Variants in GPC5 observed in about 807,000 individuals in gnomAD.
The protein encoded by GPC5 is glypican 5, also known as glypican-5.
GPC5 carries 47 observed loss-of-function variants against 53.9 expected under a neutral mutation model. The observed-to-expected ratio is 0.87, with a 90% CI of 0.69 to 1.11. The LOEUF (loss-of-function observed/expected upper bound fraction) is 1.11. GPC5 is among the 50% of genes most tolerant of loss of function. GPC5 has a pLI of 0.00. For missense variants in GPC5, 748 were observed against 713.1 expected, an observed-to-expected ratio of 1.05 and a Z score of -0.56; for synonymous variants, 286 against 263.3, an observed-to-expected ratio of 1.09 and a Z score of -0.84.
rs1207362184 is a variant in GPC5, at chr13:92,120,382, T to A, written c.1402-24448T>A. 5.3e-5 allele frequency among the ~76,000 whole-genome samples: 8 copies of A among 152,296 alleles called. No individual in the cohort carries two copies. In the East Asian group the frequency reaches 1.5e-3, roughly 29 times the overall value. On this transcript the variant is annotated intron_variant, in intron 6 of 7. Coordinates refer to ENST00000377067, the MANE Select transcript of GPC5 (RefSeq NM_004466.6). ...AAGTAATCCTCCTGCTTCAGCCTCC[T>A]GGGTAGCTGGGACTACAGGTGTGCA...
chr13:92,233,828 T>G (rs2042549581), intron 7 of GPC5, among the ~76,000 whole-genome samples: 1 of 150,956 alleles, frequency 6.6e-6, no homozygotes, highest in East Asian at 2.0e-4. Flanking sequence ...CCCACAACAG[T>G]CCCCGGTGTG....
At chr13:91,411,399 G>T (rs1877776425) in intron 1 of GPC5, among the ~76,000 whole-genome samples, 1 of 152,152 alleles carries the variant, frequency 6.6e-6, no homozygotes, top group East Asian at 1.9e-4. Flanking sequence ...CACAAGGGTG[G>T]AGTGTGCTGG....
intron 7 of GPC5, among the ~76,000 whole-genome samples, chr13:92,404,581 A>T (rs1875710473): frequency 6.6e-6 from 1 of 152,134 alleles, no homozygotes; most frequent in African/African-American, 2.4e-5. Flanking sequence ...ACAAATTAAG[A>T]CCTTGAACAA....
rs185667564 is a variant in GPC5 at position 92,113,757 on chromosome 13, C to T, written c.1402-31073C>T. ...TTTTTTTTTCACTGCTACATTTGTC[C>T]AGAGAAATAAAGGTTATTCTTGAGG... is the stretch of plus-strand genomic sequence containing the variant. On this transcript the variant is annotated intron_variant, in intron 6 of 7. Transcript: ENST00000377067. Among the ~76,000 whole-genome samples, 419 of 150,358 alleles carry T rather than the reference C, an allele frequency of 2.8e-3. 1 individual carries two copies. The highest frequency in any genetic ancestry group is 9.8e-3 in the African/African-American group (400 of 40,916).
chr13:92,718,574 G>A (rs1873172320), intron 7 of GPC5, among the ~76,000 whole-genome samples: 1 of 152,038 alleles, frequency 6.6e-6, no homozygotes, highest in Non-Finnish European at 1.5e-5. Context: ...GCAAAGGGGT[G>A]GAGTCAGGAT....
intron 3 of GPC5, among the ~76,000 whole-genome samples, chr13:91,726,976 T>A (rs984338155): frequency 6.6e-6 from 1 of 152,176 alleles, no homozygotes; most frequent in Admixed American, 6.5e-5. Context: ...GCCTTACCTC[T>A]TCTTGCTACA....
intron 6 of GPC5, among the ~76,000 whole-genome samples, chr13:92,087,931 A>C (rs536365078): frequency 6.7e-6 from 1 of 149,888 alleles, no homozygotes; most frequent in South Asian, 2.1e-4. Flanking sequence ...TCTAGCTTCC[A>C]ACTACTTTTT....
At chr13:91,977,352 T>C (rs909238220) in intron 6 of GPC5, among the ~76,000 whole-genome samples, 1 of 152,208 alleles carries the variant, frequency 6.6e-6, no homozygotes, top group Non-Finnish European at 1.5e-5. Context: ...ACACTAAATA[T>C]TCCTTAATGT....
chr13:92,210,127 C>T (rs1327582424), intron 7 of GPC5, among the ~76,000 whole-genome samples: 1 of 152,134 alleles, frequency 6.6e-6, no homozygotes, highest in African/African-American at 2.4e-5. Context: ...TTTGGCAACA[C>T]CCTCATAGAC....
chr13:92,550,760 T>C (rs2139015681), intron 7 of GPC5, among the ~76,000 whole-genome samples: 2 of 152,006 alleles, frequency 1.3e-5, no homozygotes, highest in South Asian at 4.1e-4. Flanking sequence ...TATATCAGTA[T>C]GTGTATACAT....
intron 7 of GPC5, among the ~76,000 whole-genome samples, chr13:92,547,819 C>CTTTTTTTTTTTTTTTTT (rs567478017): frequency 3.0e-5 from 3 of 100,448 alleles, no homozygotes; most frequent in Non-Finnish European, 1.8e-5. Context: ...GCCTATTATT[C>CTTTTTTTTTTTTTTTTT]TTTTTTTTTT....
At chr13:91,638,687 T>C (rs1357540004) in intron 2 of GPC5, among the ~76,000 whole-genome samples, 1 of 152,180 alleles carries the variant, frequency 6.6e-6, no homozygotes, top group Non-Finnish European at 1.5e-5. Context: ...TTTCCAAATA[T>C]ATTAGTTATT....
chr13:92,699,097 A>T (rs1008245733), intron 7 of GPC5, among the ~76,000 whole-genome samples: 1 of 152,040 alleles, frequency 6.6e-6, no homozygotes, highest in African/African-American at 2.4e-5. Flanking sequence ...TGCTGCCTCA[A>T]TTTCAGAACT....
chr13:92,497,568 G>C (rs1880022514), intron 7 of GPC5, among the ~76,000 whole-genome samples: 1 of 152,068 alleles, frequency 6.6e-6, no homozygotes, highest in South Asian at 2.1e-4. Flanking sequence ...TTTTGCTTAG[G>C]CTTGTGTTGG....
intron 3 of GPC5, chr13:91,725,033 T>G (rs1295937340): frequency 1.3e-5 from 2 of 152,260 alleles, no homozygotes; most frequent in Non-Finnish European, 2.9e-5. Context: ...GATAAGTTTG[T>G]GCTTTTGCAC....
chr13:92,082,913 C>G (rs184949348), intron 6 of GPC5, among the ~76,000 whole-genome samples: 1 of 151,996 alleles, frequency 6.6e-6, no homozygotes, highest in Non-Finnish European at 1.5e-5. Context: ...GATGTGTCTA[C>G]CTGGGATCAT....
At chr13:92,075,470 T>C (rs1367110753) in intron 6 of GPC5, among the ~76,000 whole-genome samples, 1 of 152,216 alleles carries the variant, frequency 6.6e-6, no homozygotes, top group Non-Finnish European at 1.5e-5. Context: ...GACATATATT[T>C]GACCCAATTC....
intron 6 of GPC5, chr13:91,996,505 GAAGT>G (rs547235463): frequency 6.6e-5 from 10 of 152,160 alleles, no homozygotes; most frequent in African/African-American, 1.2e-4. Context: ...AAATCCTACA[GAAGT>G]AAGTTTTTAA....
chr13:92,559,575 A>G (rs970701970), intron 7 of GPC5, among the ~76,000 whole-genome samples: 2 of 151,556 alleles, frequency 1.3e-5, no homozygotes, highest in Non-Finnish European at 2.9e-5. Context: ...CCAACAGGCA[A>G]TATTCTTTTG....
Sources: gnomAD v4.1 joint callset for allele counts (sites outside exome capture counted in the v4.1 genomes callset) on GRCh38, gnomAD v4.1.1 for gene constraint, MANE v1.5 for transcripts, NCBI Gene and HGNC (gene_info 2026-07-23, HGNC 2026-07-21) for gene names.